Variants in VAT1 observed in about 807,000 individuals in gnomAD.
VAT1 encodes the protein NADPH-dependent quinone oxidoreductase VAT1.
Under a neutral mutation model 33.3 loss-of-function variants are expected in VAT1, and 24 were observed. The ratio of observed to expected loss-of-function variants is 0.72; its 90% CI spans 0.52 to 1.01. The LOEUF is 1.01. Ranked by LOEUF, VAT1 falls within the 50% of genes least tolerant of loss-of-function variation. The pLI is 0.00. For synonymous variants in VAT1, 212 were observed against 225.0 expected (o/e 0.94, Z 0.52); for missense variants, 436 against 533.7 (o/e 0.82, Z 1.80).
Position 43,015,901 on chromosome 17 carries a change from G to A in VAT1, c.*160C>T. ...TCCCAACCTCTTCAGAGGTCAGGAA[G>A]CGGGGAGGGGCAGGGGAGAGCGGTC... is the stretch of plus-strand genomic sequence containing the variant. On this transcript the variant is annotated 3_prime_UTR_variant, in exon 6 of 6. Transcript: ENST00000355653. The A allele has an allele frequency of 1.3e-6, 1 of 788,718 alleles. No homozygotes were observed. Among genetic ancestry groups the A allele is most frequent in the Non-Finnish European group, 2.1e-6 (1 of 470,926 alleles). The allele number at this position is 788,718 out of a possible 1,614,324, so 48.9% of individuals were successfully genotyped here.
chr17:43,015,944 C>T lies in VAT1; in HGVS notation c.*117G>A, dbSNP rs78017150. 1.2e-4 allele frequency: 149 copies of T among 1,204,656 alleles called. No individual in the cohort carries two copies. In the African/African-American group the frequency reaches 1.9e-3, roughly 15 times the overall value. The allele number at this position is 1,204,656 out of a possible 1,614,324, so 74.6% of individuals were successfully genotyped here. On this transcript the variant is annotated 3_prime_UTR_variant, in exon 6 of 6. Transcript: ENST00000355653. ...GAGCGGTCATCACCACAGAGACCTT[C>T]GGGGGAGGGAGGGCAGAGCATTATG...
chr17:43,018,017 C>T lies in VAT1; in HGVS notation c.766+19G>A. 6.2e-7 allele frequency: 1 copy of T among 1,612,278 alleles called. No homozygotes were observed. The highest frequency in any genetic ancestry group is 8.5e-7 in the Non-Finnish European group (1 of 1,178,422). On this transcript the variant is annotated intron_variant, in intron 3 of 5. Coordinates refer to ENST00000355653, the MANE Select transcript of VAT1 (RefSeq NM_006373.4). ...CCTGTCCTGTGCCTCCCTACCCCCT[C>T]CCATATTATGCCCCCCACCTTTAGG...
In VAT1 at chr17:43,016,153, G is replaced by C. The variant is rs370534722; in HGVS notation, c.1099-9C>G. On this transcript the variant is annotated splice_polypyrimidine_tract_variant and intron_variant, in intron 5 of 5. Coordinates refer to ENST00000355653, the MANE Select transcript of VAT1 (RefSeq NM_006373.4). ...TTCATGGCATCAGCCACCTGGGGAG[G>C]AAGGAAAGATGCGGCTCCCAGTGCT... is the stretch of plus-strand genomic sequence containing the variant. 215 of 1,614,000 alleles carry C rather than the reference G, an allele frequency of 1.3e-4. No homozygotes were observed. The highest frequency in any genetic ancestry group is 1.6e-4 in the Non-Finnish European group (186 of 1,180,018).
rs1301425747 is a variant in VAT1 at position 43,018,607 on chromosome 17, C to T, written c.580G>A (p.Val194Ile). Residue 194 changes from valine (V) to isoleucine (I), a missense_variant, in exon 2 of 6, where the codon GTA (valine) becomes ATA (isoleucine). This residue lies in a region of VAT1 where 282 missense variants were observed against 405.4 expected (regional missense o/e 0.70). Coordinates refer to ENST00000355653, the MANE Select transcript of VAT1 (RefSeq NM_006373.4). Reference protein sequence around the residue: ...GNLQPGHSVLVHMAAGGVGMA... With the variant: ...GNLQPGHSVLIHMAAGGVGMA... ...GACCTGTCACCTGCAGCCATGTGTA[C>T]CAAGACGCTGTGGCCAGGCTGTAGG... The T allele has an allele frequency of 6.2e-7, 1 of 1,613,530 alleles. No homozygotes were observed. Among genetic ancestry groups the T allele is most frequent in the Non-Finnish European group, 8.5e-7 (1 of 1,180,026 alleles).
chr17:43,017,635 A>T (rs2050531861), intron 4 of VAT1, among the ~76,000 whole-genome samples: 1 of 151,738 alleles, frequency 6.6e-6, no homozygotes, highest in Non-Finnish European at 1.5e-5. Flanking sequence ...CTCATATGAA[A>T]AGTTGTGACA....
chr17:43,018,117 G>A lies in VAT1; in HGVS notation c.685C>T (p.Leu229=), dbSNP rs1354695768. ...GGATGTGTGACCCCATTCTCCTTCA[G>A]TGCCTCGTGCTTGCTGGCCGAGGCC... is the stretch of plus-strand genomic sequence containing the variant. ...GTASASKHEA[L]KENGVTHPID... Residue 229 remains leucine, a synonymous_variant, in exon 3 of 6, where the codon CTG becomes TTG. Coordinates refer to ENST00000355653, the MANE Select transcript of VAT1 (RefSeq NM_006373.4). 1 of 1,614,054 alleles carries A rather than the reference G, an allele frequency of 6.2e-7. No individual in the cohort carries two copies. Among genetic ancestry groups the A allele is most frequent in the Non-Finnish European group, 8.5e-7 (1 of 1,180,038 alleles).
chr17:43,019,210 T>G (rs1271856598), intron 1 of VAT1, among the ~76,000 whole-genome samples: 1 of 152,194 alleles, frequency 6.6e-6, no homozygotes, highest in Non-Finnish European at 1.5e-5. Context: ...AACTGTTTAC[T>G]GACTGTGTGA....
chr17:43,019,507 G>A (rs1411116540), intron 1 of VAT1: 1 of 152,348 alleles, frequency 6.6e-6, no homozygotes, highest in Admixed American at 6.5e-5. Flanking sequence ...GTCACCTCGG[G>A]AGAAGTGTGT....
At chr17:43,020,672 G>A (rs922274720) in intron 1 of VAT1, among the ~76,000 whole-genome samples, 1 of 152,042 alleles carries the variant, frequency 6.6e-6, no homozygotes, top group African/African-American at 2.4e-5. Flanking sequence ...GAGGTCGGGA[G>A]TTCGAGACCA....
rs751112373 is a variant in VAT1, at chr17:43,018,575, G to A, written c.595+17C>T. On this transcript the variant is annotated intron_variant, in intron 2 of 5. Transcript: ENST00000355653. Reference sequence around the variant, plus strand: ...TCTGGGTGGGGTAAGGGGTGATAAAGTGAGGGGACCTGTCACCTGCAGCCA... The same window carrying A: ...TCTGGGTGGGGTAAGGGGTGATAAAATGAGGGGACCTGTCACCTGCAGCCA... 4 of 1,612,428 alleles carry A rather than the reference G, an allele frequency of 2.5e-6. No individual in the cohort carries two copies. The highest frequency in any genetic ancestry group is 4.5e-5 in the East Asian group (2 of 44,888).
rs866264569 is a variant in VAT1 at position 43,021,674 on chromosome 17, T to C, written c.387+262A>G. 6.4e-4 allele frequency among the ~76,000 whole-genome samples: 96 copies of C among 149,608 alleles called. No individual in the cohort carries two copies. In the Middle Eastern group the frequency reaches 0.021, roughly 33 times the overall value. ...CATGCGCATGGGCACCTTATTGTTT[T>C]CCCCCCCACCAGCACAGCTTCTGGG... On this transcript the variant is annotated intron_variant, in intron 1 of 5. Coordinates refer to ENST00000355653, the MANE Select transcript of VAT1 (RefSeq NM_006373.4).
At chr17:43,020,280 C>T (rs1023539492) in intron 1 of VAT1, 1 of 985,190 alleles carries the variant, frequency 1.0e-6, no homozygotes, top group African/African-American at 1.7e-5. Context: ...AGATTCTTGC[C>T]CTGGACAGGA....
At position 43,018,673 on chromosome 17, in the gene VAT1, T is replaced by C. The variant is rs751509304; in HGVS notation, c.514A>G (p.Asn172Asp). The C allele has an allele frequency of 6.2e-7, 1 of 1,614,060 alleles. No individual in the cohort carries two copies. Among genetic ancestry groups the C allele is most frequent in the South Asian group, 1.1e-5 (1 of 91,072 alleles). The change falls in exon 2 of 6, where the codon AAT becomes GAT. Residue 172 changes from asparagine to aspartate, a missense_variant. By Grantham distance (23) the Asn-to-Asp change is conservative. Transcript: ENST00000355653. ...AGGACCATGTAGGCTGTAATGTAAT[T>C]GACGAGCAAGGCAGCAGCTTCCTCA... ...TFEEAAALLV[N>D]YITAYMVLFD...
At chr17:43,018,852 A>G in intron 1 of VAT1, 53 bp from the exon 2 acceptor site, 2 of 1,598,608 alleles carry the variant, frequency 1.3e-6, no homozygotes, top group Admixed American at 1.7e-5. Context: ...CCCACAGGCT[A>G]TTTACTGATT....
chr17:43,015,421 C>T lies in VAT1; in HGVS notation c.*640G>A, dbSNP rs1275646204. The T allele has an allele frequency of 2.6e-5, 4 of 153,592 alleles. No homozygotes were observed. Among genetic ancestry groups the T allele is most frequent in the Non-Finnish European group, 5.8e-5 (4 of 68,796 alleles). 9.5% of individuals were successfully genotyped at this position (153,592 alleles called of 1,614,324 possible). On this transcript the variant is annotated 3_prime_UTR_variant, in exon 6 of 6. Transcript: ENST00000355653. ...AAGGGTGGGGGCTCTGTATCCTTCC[C>T]AGAGTTGTGACCTAGGGGAGTAGGT...
intron 5 of VAT1, 74 bp downstream of exon 5, chr17:43,016,233 C>T (rs964707536): frequency 1.5e-5 from 24 of 1,608,870 alleles, no homozygotes; most frequent in Non-Finnish European, 2.0e-5. Context: ...TCCTCTTCCC[C>T]AGGAATCTGC....
At chr17:43,020,863 G>A (rs1467719195) in intron 1 of VAT1, among the ~76,000 whole-genome samples, 2 of 123,948 alleles carry the variant, frequency 1.6e-5, no homozygotes, top group Admixed American at 1.0e-4. Context: ...CAACAAGAGC[G>A]AAACTCCGTC....
chr17:43,020,874 T>TAAAAAAA (rs57324710), intron 1 of VAT1, among the ~76,000 whole-genome samples: 2 of 100,150 alleles, frequency 2.0e-5, no homozygotes, highest in Non-Finnish European at 4.3e-5. Context: ...AAACTCCGTC[T>TAAAAAAA]AAAAAAAAAA....
Position 43,018,062 on chromosome 17 carries a change from T to C in VAT1, c.740A>G (p.Asp247Gly), listed in dbSNP as rs1448893562. The C allele has an allele frequency of 6.2e-7, 1 of 1,613,950 alleles. No individual in the cohort carries two copies. The highest frequency in any genetic ancestry group is 2.2e-5 in the East Asian group (1 of 44,892). ...PIDYHTTDYV[D>G]EIKKISPKGV... The stretch of plus-strand genomic sequence containing the variant: ...TTTAGGGGAAATCTTCTTGATCTCA[T>C]CCACGTAGTCAGTCGTGTGATAGTC... The change falls in exon 3 of 6, where the codon GAT becomes GGT. Residue 247 changes from aspartate (D) to glycine (G), a missense_variant. Transcript: ENST00000355653.
Sources: allele counts gnomAD v4.1 joint callset (sites outside exome capture counted in the v4.1 genomes callset), GRCh38; gene constraint gnomAD v4.1.1; regional missense constraint gnomAD v4.1.1; transcripts MANE v1.5; gene names NCBI Gene and HGNC (gene_info 2026-07-23, HGNC 2026-07-21).